Variants in KLHL32 observed in about 807,000 individuals in gnomAD.
KLHL32 encodes kelch-like protein 32.
Under a neutral mutation model 64.8 loss-of-function variants are expected in KLHL32, and 35 were observed. The observed-to-expected ratio is 0.54, with a 90% confidence interval of 0.41 to 0.72. The LOEUF (loss-of-function observed/expected upper bound fraction) is 0.72, where lower values mean the gene tolerates loss of function less well. Among genes scored for constraint, KLHL32 ranks in the 30% least tolerant of loss-of-function variants. The pLI is 0.00. For synonymous variants in KLHL32, 259 were observed against 281.0 expected (o/e 0.92, Z 0.78); for missense variants, 589 against 768.5 (o/e 0.77, Z 2.76).
At chr6:96,901,770 T>C in the KLHL32 span, among the ~76,000 whole-genome samples, 3 of 152,248 alleles carry the variant, frequency 2.0e-5, no homozygotes, top group East Asian at 3.9e-4. Context: ...GTGTTTGTTG[T>C]TCCCCCTCCA....
intron 3 of KLHL32, among the ~76,000 whole-genome samples, chr6:96,997,058 G>A (rs1019415851): frequency 3.3e-5 from 5 of 152,016 alleles, no homozygotes; most frequent in African/African-American, 1.2e-4. Flanking sequence ...TGTGGTTGAG[G>A]GTCAGGGAGC....
chr6:97,110,293 C>G (rs768038531), intron 6 of KLHL32, among the ~76,000 whole-genome samples: 1 of 152,120 alleles, frequency 6.6e-6, no homozygotes, highest in Non-Finnish European at 1.5e-5. Context: ...TAGAGTGTAT[C>G]GCTTGTTTGA....
At chr6:97,135,322 T>TTTTCTTTC (rs373996278) in intron 10 of KLHL32, among the ~76,000 whole-genome samples, 1 of 112,286 alleles carries the variant, frequency 8.9e-6, no homozygotes, top group East Asian at 2.2e-4. Flanking sequence ...TTTTTTTTTT[T>TTTTCTTTC]CCTGAGAGTG....
chr6:96,951,798 C>T (rs541656341), intron 1 of KLHL32, among the ~76,000 whole-genome samples: 1 of 151,952 alleles, frequency 6.6e-6, no homozygotes, highest in African/African-American at 2.4e-5. Context: ...TCAAATAATC[C>T]ACAAGGCTTG....
At chr6:97,019,369 T>C (rs917582880) in intron 3 of KLHL32, among the ~76,000 whole-genome samples, 3 of 152,226 alleles carry the variant, frequency 2.0e-5, no homozygotes, top group Non-Finnish European at 2.9e-5. Flanking sequence ...TGGTCTTCAA[T>C]GCAAGCCCAA....
At position 97,015,562 on chromosome 6, in the gene KLHL32, T is replaced by C. The variant is rs73499072; in HGVS notation, c.205-25930T>C. Among the ~76,000 whole-genome samples, 1,050 of 152,262 alleles carry C rather than the reference T, an allele frequency of 6.9e-3. 9 individuals are homozygous for C. Among genetic ancestry groups the C allele is most frequent in the African/African-American group, 0.024 (1,011 of 41,550 alleles). On this transcript the variant is annotated intron_variant, in intron 3 of 10. Coordinates refer to ENST00000369261, the MANE Select transcript of KLHL32 (RefSeq NM_052904.4). ...CTAGAGACCTGTGGAACTCTGAATG[T>C]GAGAGAGATGATGTGAAATTGGAAC...
At position 97,080,289 on chromosome 6, in the gene KLHL32, T is replaced by C. The variant is rs565894291; in HGVS notation, c.412-4837T>C. On this transcript the variant is annotated intron_variant, in intron 5 of 10. Transcript: ENST00000369261. ...GACAATCAGGAAGGCCTGTGAGATA[T>C]GAAAAATGGCCTGATTTGGACAAGG... Among the ~76,000 whole-genome samples the C allele has an allele frequency of 1.1e-4, 16 of 152,280 alleles. No individual in the cohort carries two copies. In the South Asian group the frequency reaches 3.3e-3, roughly 32 times the overall value.
At chr6:96,995,725 G>A (rs1387099287) in intron 3 of KLHL32, among the ~76,000 whole-genome samples, 1 of 152,154 alleles carries the variant, frequency 6.6e-6, no homozygotes, top group African/African-American at 2.4e-5. Flanking sequence ...CATCTTCCAA[G>A]GTTTCTCACA....
Position 97,132,766 on chromosome 6 carries a change from T to G in KLHL32, c.1701+19T>G. ...TATCCAGGTGAGTGGTAGAAGTTCC[T>G]TTTGAAGTTTGTTCAAGTGGTTCAG... On this transcript the variant is annotated intron_variant, in intron 10 of 10. Coordinates refer to ENST00000369261, the MANE Select transcript of KLHL32 (RefSeq NM_052904.4). 1 of 1,558,338 alleles carries G rather than the reference T, an allele frequency of 6.4e-7. No homozygotes were observed. The highest frequency in any genetic ancestry group is 8.8e-7 in the Non-Finnish European group (1 of 1,138,294).
At chr6:96,961,281 A>T (rs1773852025) in intron 1 of KLHL32, among the ~76,000 whole-genome samples, 1 of 152,154 alleles carries the variant, frequency 6.6e-6, no homozygotes, top group Non-Finnish European at 1.5e-5. Context: ...CTTAGATAGG[A>T]ATTTGGGCAG....
intron 3 of KLHL32, among the ~76,000 whole-genome samples, chr6:97,011,872 ATCTT>A (rs556513215): frequency 1.1e-3 from 163 of 152,338 alleles, no homozygotes; most frequent in African/African-American, 3.1e-3. Flanking sequence ...TTTATTAAAA[ATCTT>A]TCTTTATTTG....
intron 7 of KLHL32, among the ~76,000 whole-genome samples, chr6:97,126,729 G>A (rs1798916984): frequency 6.6e-6 from 1 of 152,080 alleles, no homozygotes; most frequent in Non-Finnish European, 1.5e-5. Context: ...ATGAAAAAAA[G>A]AATATGAAAT....
intron 1 of KLHL32, among the ~76,000 whole-genome samples, chr6:96,937,965 T>G (rs1054119663): frequency 6.6e-6 from 1 of 152,258 alleles, no homozygotes; most frequent in African/African-American, 2.4e-5. Flanking sequence ...GAACCGTGTC[T>G]CCTTCTCAGA....
chr6:97,057,507 C>G (rs1788177176), intron 4 of KLHL32, among the ~76,000 whole-genome samples: 1 of 152,010 alleles, frequency 6.6e-6, no homozygotes, highest in African/African-American at 2.4e-5. Context: ...TGCTTATTTG[C>G]CACCTGTCTT....
At chr6:96,937,382 T>A (rs910571198) in intron 1 of KLHL32, among the ~76,000 whole-genome samples, 7 of 152,224 alleles carry the variant, frequency 4.6e-5, no homozygotes, top group African/African-American at 1.7e-4. Flanking sequence ...TAAATTTGGA[T>A]ATTACCATAT....
the KLHL32 span, among the ~76,000 whole-genome samples, chr6:96,898,610 C>G: frequency 6.6e-6 from 1 of 152,090 alleles, no homozygotes; most frequent in African/African-American, 2.4e-5. Flanking sequence ...GTCATTCCCT[C>G]TCCTATTTCT....
chr6:97,065,263 G>A (rs1789556648), intron 5 of KLHL32, among the ~76,000 whole-genome samples: 1 of 151,974 alleles, frequency 6.6e-6, no homozygotes, highest in African/African-American at 2.4e-5. Context: ...TGAGAAGGAG[G>A]GAGAGAAAAC....
intron 1 of KLHL32, among the ~76,000 whole-genome samples, chr6:96,947,892 CCTTAT>C (rs1772111311): frequency 2.0e-5 from 3 of 151,966 alleles, no homozygotes; most frequent in African/African-American, 7.2e-5. Flanking sequence ...AAGTTTGCAC[CCTTAT>C]CTTATGTCAA....
At chr6:96,981,781 T>G (rs1776343439) in intron 3 of KLHL32, among the ~76,000 whole-genome samples, 1 of 152,212 alleles carries the variant, frequency 6.6e-6, no homozygotes, top group Non-Finnish European at 1.5e-5. Flanking sequence ...AAATAATTTT[T>G]TGACTTCTAC....
Sources: gnomAD v4.1 joint callset for allele counts (sites outside exome capture counted in the v4.1 genomes callset) on GRCh38, gnomAD v4.1.1 for gene constraint, MANE v1.5 for transcripts, NCBI Gene and HGNC (gene_info 2026-07-23, HGNC 2026-07-21) for gene names.